The following SETBP1 variants were observed in gnomAD, a reference collection of about 807,000 sequenced individuals.
SETBP1 encodes the protein SET binding protein 1.
In SETBP1, 9 loss-of-function variants were observed where a neutral mutation model predicts 101.0. That is an observed-to-expected ratio of 0.09 (90% CI 0.05 to 0.16). The LOEUF (loss-of-function observed/expected upper bound fraction) is 0.16. SETBP1 is among the 10% of genes least tolerant of loss of function. The probability of loss-of-function intolerance (pLI) is 1.00; values close to 1 mark genes in which losing one functional copy is unlikely to be tolerated. For missense variants in SETBP1, 1,858 were observed against 2,033.8 expected (o/e 0.91, Z 1.66); for synonymous variants, 818 against 788.5 (o/e 1.04, Z -0.63).
At chr18:44,990,546 C>T (rs1407853966) in intron 4 of SETBP1, among the ~76,000 whole-genome samples, 1 of 151,856 alleles carries the variant, frequency 6.6e-6, no homozygotes, top group Non-Finnish European at 1.5e-5. Context: ...GAGTTATAAT[C>T]ATGTCACTGC....
intron 2 of SETBP1, among the ~76,000 whole-genome samples, chr18:44,711,056 T>C (rs1258590934): frequency 6.6e-6 from 1 of 152,186 alleles, no homozygotes; most frequent in Non-Finnish European, 1.5e-5. Flanking sequence ...GGCTGAATTA[T>C]ATATTAACTG....
intron 2 of SETBP1, among the ~76,000 whole-genome samples, chr18:44,864,472 T>C (rs2069085603): frequency 6.6e-6 from 1 of 152,008 alleles, no homozygotes; most frequent in Non-Finnish European, 1.5e-5. Context: ...GAAAGCAACC[T>C]GAATTTATGC....
In SETBP1 at chr18:44,682,358, G is replaced by T. The variant is rs576826786; in HGVS notation, c.-173+1337G>T. Reference sequence around the variant, plus strand: ...ACCAGACCTGGGCATTCCGGGGAGAGTTTCCTTTGCACACCCCAGCTGGGA... The same window carrying T: ...ACCAGACCTGGGCATTCCGGGGAGATTTTCCTTTGCACACCCCAGCTGGGA... On this transcript the variant is annotated intron_variant, in intron 1 of 5. Coordinates refer to ENST00000649279, the MANE Select transcript of SETBP1 (RefSeq NM_015559.3). 6.4e-4 allele frequency among the ~76,000 whole-genome samples: 97 copies of T among 152,294 alleles called. 2 individuals carry two copies. In the South Asian group the frequency reaches 0.013, roughly 20 times the overall value.
At chr18:44,704,280 C>T (rs887299002) in intron 2 of SETBP1, among the ~76,000 whole-genome samples, 5 of 152,132 alleles carry the variant, frequency 3.3e-5, no homozygotes, top group African/African-American at 4.8e-5. Flanking sequence ...GCTGGATGCT[C>T]TTTGTGGACT....
intron 3 of SETBP1, among the ~76,000 whole-genome samples, chr18:44,885,563 C>A (rs2069622748): frequency 6.6e-6 from 1 of 151,898 alleles, no homozygotes; most frequent in African/African-American, 2.4e-5. Flanking sequence ...GAAACTGATC[C>A]CCTGGAATGT....
chr18:44,742,688 C>T (rs530108563), intron 2 of SETBP1, among the ~76,000 whole-genome samples: 21 of 152,292 alleles, frequency 1.4e-4, no homozygotes, highest in Non-Finnish European at 2.8e-4. Flanking sequence ...CCCAGGATGT[C>T]TGTGGGGAGG....
intron 3 of SETBP1, among the ~76,000 whole-genome samples, chr18:44,890,100 C>A (rs1218301387): frequency 1.3e-5 from 2 of 152,060 alleles, no homozygotes; most frequent in Non-Finnish European, 2.9e-5. Flanking sequence ...TATTTAAATT[C>A]TATTTTCAAT....
At chr18:44,771,350 G>A (rs2070867886) in intron 2 of SETBP1, among the ~76,000 whole-genome samples, 1 of 146,926 alleles carries the variant, frequency 6.8e-6, no homozygotes, top group Non-Finnish European at 1.5e-5. Context: ...TGGGTGCACA[G>A]GTGGTGTCAG....
At chr18:44,876,706 A>G (rs200957852) in intron 3 of SETBP1, 5 of 1,036,316 alleles carry the variant, frequency 4.8e-6, no homozygotes, top group Non-Finnish European at 6.2e-6. Context: ...CGGTTCTCTC[A>G]CTCTTCCTTT....
rs185195124 is a variant in SETBP1, at chr18:44,882,411, C to T, written c.540+13128C>T. The stretch of plus-strand genomic sequence containing the variant: ...GAAGCGCTAAAGGCTGATTTGATTC[C>T]ACTTATGCTCAGCTGTCATCTGGGG... On this transcript the variant is annotated intron_variant, in intron 3 of 5. Coordinates refer to ENST00000649279, the MANE Select transcript of SETBP1 (RefSeq NM_015559.3). Among the ~76,000 whole-genome samples, 12 of 152,102 alleles carry T rather than the reference C, an allele frequency of 7.9e-5. No individual in the cohort carries two copies. In the East Asian group the frequency reaches 2.3e-3, roughly 29 times the overall value.
At chr18:44,956,559 C>A (rs1325398403) in intron 4 of SETBP1, among the ~76,000 whole-genome samples, 1 of 152,200 alleles carries the variant, frequency 6.6e-6, no homozygotes. Context: ...ACACTTGATT[C>A]ATTTCCTTAG....
At position 45,063,383 on chromosome 18, in the gene SETBP1, C is replaced by A; in HGVS notation, c.4476C>A (p.Ser1492Arg). The A allele has an allele frequency of 6.4e-7, 1 of 1,555,882 alleles. No homozygotes were observed. Among genetic ancestry groups the A allele is most frequent in the East Asian group, 2.4e-5 (1 of 41,262 alleles). Residue 1492 changes from serine (S) to arginine (R), a missense_variant, in exon 6 of 6, where the codon AGC becomes AGA. Ser to Arg is a moderately radical substitution (Grantham distance 110). This residue lies in a region of SETBP1 where 178 missense variants were observed against 189.1 expected (regional missense o/e 0.94). Coordinates refer to ENST00000649279, the MANE Select transcript of SETBP1 (RefSeq NM_015559.3). ...AAAGAGGCCAGAAGCCCAGCCTGAG[C>A]CCGCTGGTGCTGGAGCCCGCCGCCA... is the stretch of plus-strand genomic sequence containing the variant. ...PSKRGQKPSL[S>R]PLVLEPAASQ...
intron 3 of SETBP1, among the ~76,000 whole-genome samples, chr18:44,947,520 C>T (rs1251122900): frequency 4.1e-5 from 5 of 121,178 alleles, no homozygotes; most frequent in Non-Finnish European, 6.6e-5. Flanking sequence ...TTTTTTGAGA[C>T]GGAGTTTCAC....
chr18:44,952,202 G>A lies in SETBP1; in HGVS notation c.2862G>A (p.Leu954=). The change falls in exon 4 of 6, where the codon CTG becomes CTA. Residue 954 remains leucine, a synonymous_variant. Transcript: ENST00000649279. ...SLQNRDDLQF[L]ADLEELITKF... ...AAAACCGCGATGACCTCCAGTTTCT[G>A]GCAGACCTGGAGGAGCTAATCACCA... 1 of 1,614,132 alleles carries A rather than the reference G, an allele frequency of 6.2e-7. No individual in the cohort carries two copies. Among genetic ancestry groups the A allele is most frequent in the Non-Finnish European group, 8.5e-7 (1 of 1,180,030 alleles).
chr18:44,750,268 A>C (rs1599072310), intron 2 of SETBP1, among the ~76,000 whole-genome samples: 1 of 152,188 alleles, frequency 6.6e-6, no homozygotes, highest in East Asian at 1.9e-4. Flanking sequence ...AGATAGATTC[A>C]GTTCCTGGTG....
At chr18:45,004,924 A>G (rs1338745306) in intron 4 of SETBP1, among the ~76,000 whole-genome samples, 1 of 152,220 alleles carries the variant, frequency 6.6e-6, no homozygotes, top group African/African-American at 2.4e-5. Context: ...AAGCTTCTCC[A>G]TCATCATGGT....
At position 44,952,571 on chromosome 18, in the gene SETBP1, C is replaced by T; in HGVS notation, c.3231C>T (p.His1077=). The T allele has an allele frequency of 6.2e-7, 1 of 1,614,102 alleles. No individual in the cohort carries two copies. ...GQYPAPLYLS[H]TLGAASPFMR... Reference sequence around the variant, plus strand: ...ACCCAGCTCCTTTGTACCTATCGCACACGCTTGGAGCAGCTTCCCCATTCA... The same window carrying T: ...ACCCAGCTCCTTTGTACCTATCGCATACGCTTGGAGCAGCTTCCCCATTCA... Residue 1077 remains histidine, a synonymous_variant, in exon 4 of 6, where the codon CAC becomes CAT. Transcript: ENST00000649279.
At chr18:44,927,707 T>C (rs1037775889) in intron 3 of SETBP1, among the ~76,000 whole-genome samples, 1 of 152,136 alleles carries the variant, frequency 6.6e-6, no homozygotes, top group Admixed American at 6.6e-5. Context: ...GTCACTGTGG[T>C]TATCAGTGAC....
chr18:44,786,274 A>G lies in SETBP1; in HGVS notation c.487-82956A>G, dbSNP rs1289292761. Among the ~76,000 whole-genome samples, 5 of 152,178 alleles carry G rather than the reference A, an allele frequency of 3.3e-5. No individual in the cohort carries two copies. The South Asian group carries it at 1.0e-3, about 32-fold the overall frequency. ...TGACATCCTAGATTTTTTCCTGTGT[A>G]CATGCTTATTGATTTGCATAAAGAA... On this transcript the variant is annotated intron_variant, in intron 2 of 5. Transcript: ENST00000649279.
Sources: allele counts gnomAD v4.1 joint callset (sites outside exome capture counted in the v4.1 genomes callset), GRCh38; gene constraint gnomAD v4.1.1; regional missense constraint gnomAD v4.1.1; transcripts MANE v1.5; gene names NCBI Gene and HGNC (gene_info 2026-07-23, HGNC 2026-07-21).